The following PCSK5 variants were observed in gnomAD, a reference collection of about 807,000 sequenced individuals.
PCSK5 encodes proprotein convertase subtilisin/kexin type 5.
PCSK5 carries 129 observed loss-of-function variants against 233.2 expected under a neutral mutation model. The ratio of observed to expected loss-of-function variants is 0.55; its 90% CI spans 0.48 to 0.64. PCSK5 has a LOEUF of 0.64. Ranked by LOEUF, PCSK5 falls within the 30% of genes least tolerant of loss-of-function variation. PCSK5 has a pLI of 0.00. For missense variants in PCSK5, 2,076 were observed against 2,430.1 expected (o/e 0.85, Z 3.06); for synonymous variants, 825 against 879.2 (o/e 0.94, Z 1.09).
chr9:76,124,045 G>A lies in PCSK5; in HGVS notation c.1209-10064G>A, dbSNP rs561833788. Among the ~76,000 whole-genome samples the A allele has an allele frequency of 3.9e-5, 6 of 152,098 alleles. No homozygotes were observed. In the South Asian group the frequency reaches 6.2e-4, roughly 16 times the overall value. ...ATTAATATGTCCTGGAAAACATTAA[G>A]TATTTTTAGTCCACCTTGAACATTT... On this transcript the variant is annotated intron_variant, in intron 9 of 37. Coordinates refer to ENST00000674117, the MANE Select transcript of PCSK5 (RefSeq NM_001372043.1).
intron 9 of PCSK5, among the ~76,000 whole-genome samples, chr9:76,122,478 A>G (rs1327087792): frequency 6.6e-6 from 1 of 152,204 alleles, no homozygotes. Context: ...GTGTTAAACA[A>G]ACTTTGTCGC....
intron 35 of PCSK5, among the ~76,000 whole-genome samples, chr9:76,342,368 C>G: frequency 6.6e-6 from 1 of 152,062 alleles, no homozygotes; most frequent in East Asian, 1.9e-4. Context: ...CTGTTAGAGC[C>G]TGCCTCTAAT....
At chr9:76,194,657 T>C (rs553358794) in intron 20 of PCSK5, 1 of 415,422 alleles carries the variant, frequency 2.4e-6, no homozygotes, top group Non-Finnish European at 4.9e-6. Flanking sequence ...TCTAAACACT[T>C]CATCGAAACT....
chr9:76,290,793 T>A (rs1474120400), intron 24 of PCSK5, among the ~76,000 whole-genome samples: 1 of 152,190 alleles, frequency 6.6e-6, no homozygotes, highest in African/African-American at 2.4e-5. Context: ...ATGAAAGCAT[T>A]CTTACACAAT....
At chr9:76,119,142 AT>A (rs1382722787) in intron 9 of PCSK5, among the ~76,000 whole-genome samples, 3 of 152,034 alleles carry the variant, frequency 2.0e-5, no homozygotes, top group Non-Finnish European at 1.5e-5. Flanking sequence ...TTCAAATTGA[AT>A]TTCAAAAGTG....
chr9:76,067,879 G>A (rs1381825403), intron 5 of PCSK5, 76 bp from the exon 6 acceptor site: 20 of 1,138,984 alleles, frequency 1.8e-5, no homozygotes, highest in Non-Finnish European at 2.4e-5. Context: ...TCACCACTCT[G>A]AGTGGTGGCA....
chr9:76,274,554 G>A (rs1587825663), intron 24 of PCSK5, among the ~76,000 whole-genome samples: 1 of 150,846 alleles, frequency 6.6e-6, no homozygotes, highest in Non-Finnish European at 1.5e-5. Flanking sequence ...TTTTTTAAGA[G>A]AAGATTTGCA....
intron 5 of PCSK5, among the ~76,000 whole-genome samples, chr9:76,053,227 C>CTTT (rs1227342937): frequency 1.3e-5 from 2 of 152,202 alleles, no homozygotes; most frequent in Non-Finnish European, 2.9e-5. Context: ...TAGGGACACT[C>CTTT]TTTTGGGGGG....
chr9:76,098,293 A>G (rs901807064), intron 8 of PCSK5, among the ~76,000 whole-genome samples: 1 of 152,206 alleles, frequency 6.6e-6, no homozygotes, highest in African/African-American at 2.4e-5. Flanking sequence ...ACATTCATCA[A>G]TAAGCATAAC....
chr9:76,358,384 G>C, intron 37 of PCSK5, 129 bp from the exon 38 acceptor site: 1 of 682,900 alleles, frequency 1.5e-6, no homozygotes, highest in Non-Finnish European at 2.5e-6. Context: ...GAAAATCAGA[G>C]ACAGTGATTC....
At chr9:76,344,375 T>G (rs1467044573) in intron 35 of PCSK5, among the ~76,000 whole-genome samples, 1 of 152,072 alleles carries the variant, frequency 6.6e-6, no homozygotes, top group Admixed American at 6.6e-5. Flanking sequence ...CTAAAGCAAC[T>G]CCATAAAAAC....
In PCSK5 at chr9:76,323,221, T is replaced by C. The variant is rs61740648; in HGVS notation, c.4272T>C (p.Tyr1424=). The C allele has an allele frequency of 1.6e-3, 2,502 of 1,612,800 alleles. 32 individuals carry two copies. In the African/African-American group the frequency reaches 0.029, roughly 19 times the overall value. The part of the protein sequence containing the change: ...ELCLESSWVL[Y]DGLCLEECPA... ...GTCTTGAGAGTTCCTGGGTCCTCTA[T>C]GATGGACTGTGCTTGGAGGAGTGTC... is the stretch of plus-strand genomic sequence containing the variant. Residue 1424 remains tyrosine (Y), a synonymous_variant, in exon 32 of 38, where the codon TAT becomes TAC. Transcript: ENST00000674117.
chr9:75,979,140 C>G (rs1826160516), intron 2 of PCSK5, among the ~76,000 whole-genome samples: 1 of 152,074 alleles, frequency 6.6e-6, no homozygotes, highest in Non-Finnish European at 1.5e-5. Context: ...CGCGTCCACC[C>G]TGGGACACTT....
In PCSK5 at chr9:76,200,880, T is replaced by C. The variant is rs551033646; in HGVS notation, c.2626+11134T>C. ...CTCCACCCTCTTGTCATCAATGTCA[T>C]CAACCCTCTTTTCAGAGAGGCTAAT... is the stretch of plus-strand genomic sequence containing the variant. On this transcript the variant is annotated intron_variant, in intron 20 of 37. Transcript: ENST00000674117. Among the ~76,000 whole-genome samples, 17 of 152,300 alleles carry C rather than the reference T, an allele frequency of 1.1e-4. No homozygotes were observed. In the South Asian group the frequency reaches 3.5e-3, roughly 32 times the overall value.
At chr9:76,007,201 A>G (rs1827515121) in intron 3 of PCSK5, among the ~76,000 whole-genome samples, 2 of 152,070 alleles carry the variant, frequency 1.3e-5, no homozygotes, top group East Asian at 1.9e-4. Flanking sequence ...TGTTCTGTCC[A>G]TATATTTTAA....
chr9:76,140,179 T>C (rs1036807859), intron 10 of PCSK5, among the ~76,000 whole-genome samples: 1 of 152,080 alleles, frequency 6.6e-6, no homozygotes, highest in African/African-American at 2.4e-5. Flanking sequence ...ATTCTCAAAA[T>C]AGAATTAAAA....
chr9:76,310,770 C>G lies in PCSK5; in HGVS notation c.3803C>G (p.Ala1268Gly). 1 of 1,612,216 alleles carries G rather than the reference C, an allele frequency of 6.2e-7. No individual in the cohort carries two copies. Among genetic ancestry groups the G allele is most frequent in the Non-Finnish European group, 8.5e-7 (1 of 1,179,628 alleles). ...CTEACAICSG[A>G]DLCKKCQMQP... ...GAGGCCTGTGCCATCTGCTCTGGAG[C>G]CGATCTTTGCAAAAAATGCCAGATG... Residue 1268 changes from alanine to glycine, a missense_variant, in exon 30 of 38, where the codon GCC becomes GGC. Transcript: ENST00000674117.
chr9:76,181,348 G>T, intron 15 of PCSK5, 50 bp from the exon 16 acceptor site: 1 of 1,498,230 alleles, frequency 6.7e-7, no homozygotes, highest in South Asian at 1.2e-5. Flanking sequence ...GAATGCTGGG[G>T]ACTGGTTTGC....
chr9:76,033,255 A>G (rs1366505731), intron 5 of PCSK5, among the ~76,000 whole-genome samples: 1 of 152,212 alleles, frequency 6.6e-6, no homozygotes, highest in Non-Finnish European at 1.5e-5. Context: ...ACTAGAGGAA[A>G]AAAACACACT....
Sources: allele counts gnomAD v4.1 joint callset (sites outside exome capture counted in the v4.1 genomes callset), GRCh38; gene constraint gnomAD v4.1.1; transcripts MANE v1.5; gene names NCBI Gene and HGNC (gene_info 2026-07-23, HGNC 2026-07-21).